Variants in DSCAM observed in about 807,000 individuals in gnomAD.
DSCAM encodes the protein cell adhesion molecule DSCAM.
Under a neutral mutation model 217.7 loss-of-function variants are expected in DSCAM, and 47 were observed. The observed-to-expected ratio is 0.22, with a 90% confidence interval of 0.17 to 0.28. DSCAM has a LOEUF of 0.28. Ranked by LOEUF, DSCAM falls within the 10% of genes least tolerant of loss-of-function variation. The pLI is 1.00. For synonymous variants in DSCAM, 1,056 were observed against 1,015.3 expected (o/e 1.04, Z -0.76); for missense variants, 2,080 against 2,618.3 (o/e 0.79, Z 4.49).
At position 40,331,571 on chromosome 21, in the gene DSCAM, A is replaced by T. The variant is rs150782524; in HGVS notation, c.1783+6530T>A. 2.4e-4 allele frequency among the ~76,000 whole-genome samples: 36 copies of T among 152,320 alleles called. 1 individual carries two copies. In the East Asian group the frequency reaches 6.9e-3, roughly 29 times the overall value. The stretch of plus-strand genomic sequence containing the variant: ...ATTTTAACGTCAAAATGTGCAGAAC[A>T]GTGTCCCTGTTGGGCTACAGTACAC... On this transcript the variant is annotated intron_variant, in intron 8 of 32. Coordinates refer to ENST00000400454, the MANE Select transcript of DSCAM (RefSeq NM_001389.5).
chr21:40,324,123 AAAAAAAAAG>A (rs1376104582), intron 8 of DSCAM, among the ~76,000 whole-genome samples: 1 of 141,646 alleles, frequency 7.1e-6, no homozygotes, highest in African/African-American at 2.8e-5. Flanking sequence ...AAAAAAAAAA[AAAAAAAAAG>A]AAAAAAAAAA....
chr21:40,083,912 G>T lies in DSCAM; in HGVS notation c.4227C>A (p.Ile1409=). The T allele has an allele frequency of 6.2e-7, 1 of 1,612,160 alleles. No individual in the cohort carries two copies. The highest frequency in any genetic ancestry group is 8.5e-7 in the Non-Finnish European group (1 of 1,178,788). The change falls in exon 24 of 33, where the codon ATC becomes ATA. Residue 1409 remains isoleucine, a synonymous_variant. Transcript: ENST00000400454. ...GGACAATCTATATCTTATTACCTCT[G>T]ATAGAGCTGCCCCCGTTGTCTCCAG... is the stretch of plus-strand genomic sequence containing the variant. ...WLPGDNGGSS[I]RGYILQYSED...
At chr21:40,479,478 G>A (rs2075963920) in intron 3 of DSCAM, among the ~76,000 whole-genome samples, 1 of 152,214 alleles carries the variant, frequency 6.6e-6, no homozygotes, top group African/African-American at 2.4e-5. Flanking sequence ...AAAGGAAAGA[G>A]TTTTAATTGA....
At chr21:40,682,605 A>AAGAGAGAGAGAG (rs1225539071) in intron 3 of DSCAM, among the ~76,000 whole-genome samples, 2 of 39,614 alleles carry the variant, frequency 5.0e-5, no homozygotes, top group African/African-American at 1.8e-4. Context: ...GAAAGAGAGA[A>AAGAGAGAGAGAG]AGAAAGAAAG....
intron 32 of DSCAM, among the ~76,000 whole-genome samples, chr21:40,040,751 C>T (rs1016769636): frequency 2.6e-5 from 4 of 152,302 alleles, no homozygotes; most frequent in South Asian, 2.1e-4. Flanking sequence ...CAGTCACCAA[C>T]GCCATTCCCA....
intron 5 of DSCAM, among the ~76,000 whole-genome samples, chr21:40,350,894 T>TTTC (rs1284015333): frequency 7.0e-6 from 1 of 142,546 alleles, no homozygotes; most frequent in East Asian, 2.0e-4. Context: ...TTTTTTTTTT[T>TTTC]TTTTTTTTTT....
intron 3 of DSCAM, among the ~76,000 whole-genome samples, chr21:40,678,656 C>G (rs947114535): frequency 6.6e-6 from 1 of 152,174 alleles, no homozygotes; most frequent in African/African-American, 2.4e-5. Context: ...GAAATTCTAC[C>G]ATTCTTAGAT....
chr21:40,771,577 G>A (rs7283946), intron 1 of DSCAM, among the ~76,000 whole-genome samples: 116,810 of 152,118 alleles, frequency 0.77, 45,271 homozygotes, highest in South Asian at 0.83. Context: ...AAGCAACACC[G>A]GAACTCACTC....
At chr21:40,685,538 C>CT (rs1473264828) in intron 3 of DSCAM, among the ~76,000 whole-genome samples, 1 of 152,180 alleles carries the variant, frequency 6.6e-6, no homozygotes. Flanking sequence ...CACCTCTTAT[C>CT]ATGACTCATT....
intron 3 of DSCAM, among the ~76,000 whole-genome samples, chr21:40,501,246 T>A (rs570116875): frequency 6.6e-6 from 1 of 152,330 alleles, no homozygotes; most frequent in African/African-American, 2.4e-5. Context: ...GAACTGGGCA[T>A]CCTCTATTTT....
In DSCAM at chr21:40,806,610, T is replaced by A. The variant is rs950822188; in HGVS notation, c.43+40009A>T. Reference sequence around the variant, plus strand: ...AATGCTACAATATGTACAAATACATTCAAGGGCTGTGTTTCTATTAGTTTC... The same window carrying A: ...AATGCTACAATATGTACAAATACATACAAGGGCTGTGTTTCTATTAGTTTC... On this transcript the variant is annotated intron_variant, in intron 1 of 32. Transcript: ENST00000400454. Among the ~76,000 whole-genome samples, 11 of 152,320 alleles carry A rather than the reference T, an allele frequency of 7.2e-5. 1 individual carries two copies. Among genetic ancestry groups the A allele is most frequent in the Middle Eastern group, 3.4e-3 (1 of 294 alleles).
In DSCAM at chr21:40,121,681, C is replaced by CTT. The variant is rs201672838; in HGVS notation, c.3696+2512_3696+2513dup. ...CTGGTGGGTTTGCTCTCATTACTGT[C>CTT]TTTTTTTTTTTTTTTTTTTTTTTTT... On this transcript the variant is annotated intron_variant, in intron 20 of 32. Transcript: ENST00000400454. Among the ~76,000 whole-genome samples, 38 of 73,748 alleles carry CTT rather than the reference C, an allele frequency of 5.2e-4. 6 individuals are homozygous for CTT. Among genetic ancestry groups the CTT allele is most frequent in the Non-Finnish European group, 6.2e-4 (24 of 38,418 alleles). The allele number at this position is 73,748 out of a possible 152,430, so 48.4% of individuals were successfully genotyped here.
Position 40,013,379 on chromosome 21 carries a change from G to A in DSCAM, c.5694C>T (p.Leu1898=), listed in dbSNP as rs748116085. The part of the protein sequence containing the change: ...AVPKAHRPGD[L]IHLPPYLRMD... ...TTCTAAGGTATGGAGGCAAATGTATGAGGTCACCTAGAAGGAAAGACAGGG... is the reference window on the plus strand; with the variant it reads ...TTCTAAGGTATGGAGGCAAATGTATAAGGTCACCTAGAAGGAAAGACAGGG... Residue 1898 remains leucine (L), a synonymous_variant, in exon 33 of 33, where the codon CTC becomes CTT. Coordinates refer to ENST00000400454, the MANE Select transcript of DSCAM (RefSeq NM_001389.5). The A allele has an allele frequency of 6.4e-7, 1 of 1,552,108 alleles. No homozygotes were observed. Among genetic ancestry groups the A allele is most frequent in the Non-Finnish European group, 8.7e-7 (1 of 1,150,044 alleles).
chr21:40,175,815 A>ACACACACGCACG (rs1555886123), intron 15 of DSCAM, among the ~76,000 whole-genome samples: 125 of 149,760 alleles, frequency 8.3e-4, no homozygotes, highest in African/African-American at 2.4e-3. Flanking sequence ...ACACGCACAC[A>ACACACACGCACG]CACACACACG....
intron 32 of DSCAM, among the ~76,000 whole-genome samples, chr21:40,033,895 G>T (rs1486733562): frequency 5.4e-5 from 7 of 129,900 alleles, no homozygotes; most frequent in Admixed American, 4.5e-4. Context: ...GCCTAACTGG[G>T]AGGCACCCCC....
chr21:40,174,777 A>C (rs930038371), intron 15 of DSCAM, among the ~76,000 whole-genome samples: 18 of 152,302 alleles, frequency 1.2e-4, no homozygotes, highest in African/African-American at 4.3e-4. Context: ...GATTTTAAAA[A>C]TTAACATCGA....
At position 40,144,886 on chromosome 21, in the gene DSCAM, T is replaced by G. The variant is rs923404213; in HGVS notation, c.3019-155A>C. Among the ~76,000 whole-genome samples, 5 of 152,126 alleles carry G rather than the reference T, an allele frequency of 3.3e-5. No homozygotes were observed. Among genetic ancestry groups the G allele is most frequent in the African/African-American group, 1.2e-4 (5 of 41,420 alleles). On this transcript the variant is annotated intron_variant, in intron 16 of 32. Transcript: ENST00000400454. The surrounding 1 kb of genome is among the most constrained non-coding windows in gnomAD (Gnocchi z 4.8). ...GTAGCAGCCGCAAACCCACGTACAG[T>G]GCAACTTGGTCTGTGCCAGGCACCC...
At chr21:40,702,080 CCATT>C (rs1335906266) in intron 2 of DSCAM, among the ~76,000 whole-genome samples, 2 of 152,100 alleles carry the variant, frequency 1.3e-5, no homozygotes, top group Non-Finnish European at 2.9e-5. Flanking sequence ...GCAGTTCTAT[CCATT>C]TTTACTTTAT....
chr21:40,460,018 A>C (rs2075793615), intron 3 of DSCAM, among the ~76,000 whole-genome samples: 1 of 152,192 alleles, frequency 6.6e-6, no homozygotes, highest in Non-Finnish European at 1.5e-5. Flanking sequence ...TCAGCAAACT[A>C]ACACAGGAGC....
Sources: allele counts gnomAD v4.1 joint callset (sites outside exome capture counted in the v4.1 genomes callset), GRCh38; gene constraint gnomAD v4.1.1; non-coding constraint Gnocchi (gnomAD v3.1); transcripts MANE v1.5; gene names NCBI Gene and HGNC (gene_info 2026-07-23, HGNC 2026-07-21).